Variants in OXNAD1 observed in about 807,000 individuals in gnomAD.
OXNAD1 encodes the protein oxidoreductase NAD-binding domain-containing protein 1.
OXNAD1 carries 34 observed loss-of-function variants against 32.9 expected under a neutral mutation model. The observed-to-expected ratio is 1.03, with a 90% confidence interval of 0.79 to 1.38. OXNAD1 has a LOEUF of 1.38. Ranked by LOEUF, OXNAD1 falls within the 40% of genes most tolerant of loss-of-function variation. OXNAD1 has a pLI of 0.00. For missense variants in OXNAD1, 407 were observed against 379.4 expected (o/e 1.07, Z -0.60); for synonymous variants, 134 against 135.2 (o/e 0.99, Z 0.06).
downstream of OXNAD1, among the ~76,000 whole-genome samples, chr3:16,340,096 A>G (rs1003910656): frequency 1.3e-5 from 2 of 152,258 alleles, no homozygotes; most frequent in Admixed American, 1.3e-4. Flanking sequence ...GCACAAGGCC[A>G]TTATTTAGCT....
intron 9 of OXNAD1, among the ~76,000 whole-genome samples, chr3:16,347,303 G>T (rs1030697993): frequency 6.6e-6 from 1 of 152,200 alleles, no homozygotes; most frequent in African/African-American, 2.4e-5. Context: ...CATTTTCTAG[G>T]GGGGGCTATA....
In OXNAD1 at chr3:16,269,155, A is replaced by G. The variant is rs1026844321; in HGVS notation, c.-129A>G. 15 of 1,499,736 alleles carry G rather than the reference A, an allele frequency of 1.0e-5. No homozygotes were observed. The highest frequency in any genetic ancestry group is 2.8e-5 in the African/African-American group (2 of 70,872). 92.9% of individuals were successfully genotyped at this position (1,499,736 alleles called of 1,614,324 possible). ...TTTGTGAGAATTTTAATGCATGGAA[A>G]AGCTGTCCATGTTCCAACTGCTGTA... On this transcript the variant is annotated 5_prime_UTR_variant, in exon 2 of 9. Transcript: ENST00000285083.
rs531751365 is a variant in OXNAD1, at chr3:16,268,313, C to CTTTT, written c.-158-783_-158-780dup. On this transcript the variant is annotated intron_variant, in intron 1 of 8. Coordinates refer to ENST00000285083, the MANE Select transcript of OXNAD1 (RefSeq NM_138381.5). ...AATCTTAGGATTTTAAAGAGAACTC[C>CTTTT]TTTTTTTTTTTTTTTTTTTTTTTTT... 4.2e-3 allele frequency among the ~76,000 whole-genome samples: 257 copies of CTTTT among 61,006 alleles called. 29 individuals carry two copies. The highest frequency in any genetic ancestry group is 6.6e-3 in the Non-Finnish European group (201 of 30,420). The allele number at this position is 61,006 out of a possible 152,430, so 40.0% of individuals were successfully genotyped here.
rs1245514314 is a variant in OXNAD1 at position 16,322,623 on chromosome 3, A to T, written c.*31-14489A>T. Among the ~76,000 whole-genome samples, 1 of 152,204 alleles carries T rather than the reference A, an allele frequency of 6.6e-6. No homozygotes were observed. The highest frequency in any genetic ancestry group is 1.9e-4 in the East Asian group (1 of 5,186). On this transcript the variant is annotated intron_variant, in intron 9 of 9. Coordinates refer to the OXNAD1 transcript ENST00000435829. The surrounding 1 kb of genome is among the most constrained non-coding windows in gnomAD (Gnocchi z 6.2). Reference sequence around the variant, plus strand: ...TGAAAATGTCCTCAGGAAAAGCACCACAGGCTGCTCAGGGTGGGGTGGGAA... The same window carrying T: ...TGAAAATGTCCTCAGGAAAAGCACCTCAGGCTGCTCAGGGTGGGGTGGGAA...
chr3:16,294,760 T>G, intron 5 of OXNAD1, 96 bp from the exon 6 acceptor site: 1 of 1,199,518 alleles, frequency 8.3e-7, no homozygotes, highest in Non-Finnish European at 1.2e-6. Context: ...TTTAGTAATT[T>G]TTTTTCATAG....
At position 16,302,858 on chromosome 3, in the gene OXNAD1, C is replaced by G; in HGVS notation, c.784+110C>G. On this transcript the variant is annotated intron_variant, in intron 8 of 8. Coordinates refer to ENST00000285083, the MANE Select transcript of OXNAD1 (RefSeq NM_138381.5). This position sits in a 1 kb window ranked among gnomAD's most constrained non-coding sequence, Gnocchi z 4.2. ...TGGAAGCTGCTGGCTGGGAATGTCACTATCTGGGGAATTGGGATGATTCCT... is the reference window on the plus strand; with the variant it reads ...TGGAAGCTGCTGGCTGGGAATGTCAGTATCTGGGGAATTGGGATGATTCCT... 2 of 811,098 alleles carry G rather than the reference C, an allele frequency of 2.5e-6. No individual in the cohort carries two copies. Among genetic ancestry groups the G allele is most frequent in the Non-Finnish European group, 4.1e-6 (2 of 490,786 alleles). 50.2% of individuals were successfully genotyped at this position (811,098 alleles called of 1,614,324 possible). A position where few individuals can be genotyped will look rare whatever the true frequency, so the allele number is the denominator to read the frequency against.
chr3:16,281,931 C>G (rs1383388569), intron 4 of OXNAD1, among the ~76,000 whole-genome samples: 1 of 136,724 alleles, frequency 7.3e-6, no homozygotes, highest in South Asian at 2.4e-4. Context: ...CAGGGTCTCA[C>G]TTGGCTCACT....
rs957138518 is a variant in OXNAD1, at chr3:16,265,819, A to C, written c.-159+314A>C. The C allele has an allele frequency of 2.1e-6, 2 of 963,880 alleles. No homozygotes were observed. Among genetic ancestry groups the C allele is most frequent in the Non-Finnish European group, 2.5e-6 (2 of 810,356 alleles). The allele number at this position is 963,880 out of a possible 1,614,324, so 59.7% of individuals were successfully genotyped here. On this transcript the variant is annotated intron_variant, in intron 1 of 8. Coordinates refer to ENST00000285083, the MANE Select transcript of OXNAD1 (RefSeq NM_138381.5). This position sits in a 1 kb window ranked among gnomAD's most constrained non-coding sequence, Gnocchi z 4.8. The stretch of plus-strand genomic sequence containing the variant: ...AAATCATACACCTGGGAAATAATGA[A>C]GAGCTTGTCTGTCTCCAAAGCCCAG...
downstream of OXNAD1, among the ~76,000 whole-genome samples, chr3:16,337,608 G>A (rs2125274947): frequency 6.6e-6 from 1 of 152,082 alleles, no homozygotes; most frequent in Admixed American, 6.5e-5. The surrounding 1 kb of genome is among the most constrained non-coding windows in gnomAD (Gnocchi z 5.0). Flanking sequence ...CAAGCATGGT[G>A]GCAGGCGCCT....
At chr3:16,266,983 T>C (rs1047440002) in intron 1 of OXNAD1, among the ~76,000 whole-genome samples, 14 of 152,238 alleles carry the variant, frequency 9.2e-5, no homozygotes, top group African/African-American at 3.4e-4. Flanking sequence ...CTAAGGTGTC[T>C]TTGCCTGTTG....
rs370820242 is a variant in OXNAD1 at position 16,345,788 on chromosome 3, C to CTGTGTGTGTGTGTGTGTGTGTGTG, written c.*31-3381_*31-3358dup. Among the ~76,000 whole-genome samples, 29 of 127,242 alleles carry CTGTGTGTGTGTGTGTGTGTGTGTG rather than the reference C, an allele frequency of 2.3e-4. No individual in the cohort carries two copies. Among genetic ancestry groups the CTGTGTGTGTGTGTGTGTGTGTGTG allele is most frequent in the African/African-American group, 7.5e-4 (25 of 33,124 alleles). The allele number at this position is 127,242 out of a possible 152,430, so 83.5% of individuals were successfully genotyped here. Reference sequence around the variant, plus strand: ...TGAGCCAAAACCTTATAATAAATCTCTGTGTGTGTGTGTGTGTGTGTGTGT... The same window carrying CTGTGTGTGTGTGTGTGTGTGTGTG: ...TGAGCCAAAACCTTATAATAAATCTCTGTGTGTGTGTGTGTGTGTGTGTGTGTGTGTGTGTGTGTGTGTGTGTGT... On this transcript the variant is annotated intron_variant, in intron 9 of 9. Transcript: ENST00000606098. The surrounding 1 kb of genome is among the most constrained non-coding windows in gnomAD (Gnocchi z 5.2).
chr3:16,282,568 G>A (rs1421853783), intron 4 of OXNAD1, among the ~76,000 whole-genome samples: 2 of 152,146 alleles, frequency 1.3e-5, no homozygotes, highest in African/African-American at 4.8e-5. Context: ...TATTGGTAGA[G>A]TTGAGAGTAT....
Position 16,345,574 on chromosome 3 carries a change from C to T in OXNAD1, c.*31-3602C>T, listed in dbSNP as rs13068487. Among the ~76,000 whole-genome samples, 4,169 of 152,116 alleles carry T rather than the reference C, an allele frequency of 0.027. 79 individuals are homozygous for T. Among genetic ancestry groups the T allele is most frequent in the Non-Finnish European group, 0.04 (2,727 of 67,986 alleles). Reference sequence around the variant, plus strand: ...GGGTGGAGGAAGGCTGAATTAACACCGCCTGACTGCTTGAACAGGAACGTC... The same window carrying T: ...GGGTGGAGGAAGGCTGAATTAACACTGCCTGACTGCTTGAACAGGAACGTC... On this transcript the variant is annotated intron_variant, in intron 9 of 9. Coordinates refer to the OXNAD1 transcript ENST00000606098. This position sits in a 1 kb window ranked among gnomAD's most constrained non-coding sequence, Gnocchi z 5.2.
intron 9 of OXNAD1, among the ~76,000 whole-genome samples, chr3:16,319,836 G>A (rs1325009310): frequency 6.6e-6 from 1 of 152,238 alleles, no homozygotes; most frequent in African/African-American, 2.4e-5. Context: ...GAGCCTCTGA[G>A]GTGAGCTCTG....
At chr3:16,308,356 C>A (rs2067715025), downstream of OXNAD1, among the ~76,000 whole-genome samples, 1 of 152,024 alleles carries the variant, frequency 6.6e-6, no homozygotes, top group African/African-American at 2.4e-5. The surrounding 1 kb of genome is among the most constrained non-coding windows in gnomAD (Gnocchi z 4.4). Context: ...CACCCATGCT[C>A]TGGAGGGTAG....
Position 16,299,589 on chromosome 3 carries a change from T to G in OXNAD1, c.433-2037T>G, listed in dbSNP as rs2067034047. On this transcript the variant is annotated intron_variant, in intron 6 of 8. Coordinates refer to ENST00000285083, the MANE Select transcript of OXNAD1 (RefSeq NM_138381.5). The surrounding 1 kb of genome is among the most constrained non-coding windows in gnomAD (Gnocchi z 4.4). The stretch of plus-strand genomic sequence containing the variant: ...AAATAATTTTCATTTTTCTTAGATC[T>G]TCTCTAAATTTAACTCAACTTTAAC... 6.6e-6 allele frequency among the ~76,000 whole-genome samples: 1 copy of G among 152,232 alleles called. No homozygotes were observed. The highest frequency in any genetic ancestry group is 2.4e-5 in the African/African-American group (1 of 41,456).
rs202103565 is a variant in OXNAD1 at position 16,336,675 on chromosome 3, T to TAAA, written c.*31-433_*31-431dup. On this transcript the variant is annotated intron_variant, in intron 9 of 9. Transcript: ENST00000435829. The surrounding 1 kb of genome is among the most constrained non-coding windows in gnomAD (Gnocchi z 6.0). The stretch of plus-strand genomic sequence containing the variant: ...TTCAAAGAGAATAATTTTTTTTTTT[T>TAAA]AAAAAAGCTTAGTTCTTAGATGCAG... 2.0e-5 allele frequency among the ~76,000 whole-genome samples: 3 copies of TAAA among 151,660 alleles called. No individual in the cohort carries two copies. Among genetic ancestry groups the TAAA allele is most frequent in the East Asian group, 3.9e-4 (2 of 5,180 alleles).
chr3:16,279,546 A>T (rs1226488622), intron 4 of OXNAD1, among the ~76,000 whole-genome samples: 1 of 151,916 alleles, frequency 6.6e-6, no homozygotes, highest in Non-Finnish European at 1.5e-5. Context: ...CGTAGAGAGT[A>T]AGGGAAGAGG....
At chr3:16,308,782 T>TCTTAAAACCTGCAGGAGCTCATCAGCC, downstream of OXNAD1, among the ~76,000 whole-genome samples, 1 of 152,296 alleles carries the variant, frequency 6.6e-6, no homozygotes, top group Admixed American at 6.5e-5. The surrounding 1 kb of genome is among the most constrained non-coding windows in gnomAD (Gnocchi z 4.4). Context: ...TGTTCTGAAT[T>TCTTAAAACCTGCAGGAGCTCATCAGCC]CTTAAAACCT....
Sources: allele counts gnomAD v4.1 joint callset (sites outside exome capture counted in the v4.1 genomes callset), GRCh38; gene constraint gnomAD v4.1.1; non-coding constraint Gnocchi (gnomAD v3.1); transcripts MANE v1.5; gene names NCBI Gene and HGNC (gene_info 2026-07-23, HGNC 2026-07-21).